The following ANKFN1 variants were observed in gnomAD, a reference collection of about 807,000 sequenced individuals.
ANKFN1 encodes the protein ankyrin repeat and fibronectin type-III domain-containing protein 1.
A neutral mutation model predicts 108.7 loss-of-function variants in ANKFN1; 74 were observed. The observed-to-expected ratio is 0.68, with a 90% CI of 0.56 to 0.83. The LOEUF (loss-of-function observed/expected upper bound fraction) is 0.83. Ranked by LOEUF, ANKFN1 falls within the 40% of genes least tolerant of loss-of-function variation. ANKFN1 has a pLI of 0.00. For synonymous variants in ANKFN1, 547 were observed against 516.2 expected (o/e 1.06, Z -0.81); for missense variants, 1,505 against 1,382.3 (o/e 1.09, Z -1.41).
intron 18 of ANKFN1, among the ~76,000 whole-genome samples, chr17:56,490,340 A>G (rs1598713107): frequency 2.0e-5 from 3 of 152,326 alleles, no homozygotes; most frequent in Admixed American, 2.0e-4. Flanking sequence ...ATCTTCAAGT[A>G]TCACAAGTTG....
chr17:56,440,902 T>C (rs1005863709), intron 9 of ANKFN1, among the ~76,000 whole-genome samples: 2 of 151,636 alleles, frequency 1.3e-5, no homozygotes, highest in South Asian at 2.1e-4. Flanking sequence ...AAACGAAGTC[T>C]GTCTAAATAT....
intron 1 of ANKFN1, among the ~76,000 whole-genome samples, chr17:56,173,949 A>G (rs974658358): frequency 2.0e-5 from 3 of 152,192 alleles, no homozygotes; most frequent in Admixed American, 1.3e-4. Context: ...ATTCTCCACA[A>G]TCTGCCCTGA....
intron 4 of ANKFN1, among the ~76,000 whole-genome samples, chr17:56,147,955 A>G (rs1290044841): frequency 6.6e-6 from 1 of 152,186 alleles, no homozygotes; most frequent in Non-Finnish European, 1.5e-5. Context: ...ATCCTGTTCT[A>G]AGCATTATTT....
intron 1 of ANKFN1, among the ~76,000 whole-genome samples, chr17:56,201,174 A>G (rs943802143): frequency 2.6e-5 from 4 of 152,086 alleles, no homozygotes; most frequent in Admixed American, 6.6e-5. Flanking sequence ...CTTCAGTGAA[A>G]CTCACCCAGT....
chr17:56,413,458 A>G (rs1053575974), intron 8 of ANKFN1, among the ~76,000 whole-genome samples: 6 of 152,138 alleles, frequency 3.9e-5, no homozygotes, highest in South Asian at 2.1e-4. Context: ...TTCCATTACT[A>G]TGTTGAATAG....
At chr17:56,270,109 G>A (rs1351443560) in intron 3 of ANKFN1, among the ~76,000 whole-genome samples, 2 of 152,036 alleles carry the variant, frequency 1.3e-5, no homozygotes, top group East Asian at 3.9e-4. Flanking sequence ...GTTTTTACTG[G>A]CATGTTCGTG....
chr17:56,100,894 G>A (rs185424909), intron 4 of ANKFN1, among the ~76,000 whole-genome samples: 17 of 152,300 alleles, frequency 1.1e-4, no homozygotes, highest in Non-Finnish European at 2.2e-4. Context: ...ACTCTTTAGA[G>A]AGGGTTCTGT....
chr17:56,411,765 A>C (rs1464357135), intron 8 of ANKFN1, among the ~76,000 whole-genome samples: 2 of 152,146 alleles, frequency 1.3e-5, no homozygotes, highest in Non-Finnish European at 2.9e-5. Context: ...TTCATCCTTC[A>C]TTATGTTAAT....
chr17:56,328,402 T>C (rs966228173), intron 4 of ANKFN1, among the ~76,000 whole-genome samples: 3 of 152,196 alleles, frequency 2.0e-5, no homozygotes, highest in African/African-American at 7.2e-5. Flanking sequence ...CTCAATTAAG[T>C]ATTGATGTCT....
At chr17:56,140,365 C>G (rs1426700699) in intron 4 of ANKFN1, among the ~76,000 whole-genome samples, 1 of 152,174 alleles carries the variant, frequency 6.6e-6, no homozygotes, top group Non-Finnish European at 1.5e-5. Flanking sequence ...TGTTTTTCAG[C>G]TCCCCTTTCC....
intron 3 of ANKFN1, among the ~76,000 whole-genome samples, chr17:56,286,111 A>G (rs2044210257): frequency 6.6e-6 from 1 of 152,118 alleles, no homozygotes; most frequent in Admixed American, 6.6e-5. Flanking sequence ...CAGCTGGTCC[A>G]TCCTTCAAGT....
chr17:56,152,451 TAG>T (rs2143446142), upstream of ANKFN1, among the ~76,000 whole-genome samples: 1 of 152,164 alleles, frequency 6.6e-6, no homozygotes, highest in Non-Finnish European at 1.5e-5. Flanking sequence ...AACATTTAGA[TAG>T]AGAGTTCCCT....
intron 2 of ANKFN1, among the ~76,000 whole-genome samples, chr17:56,216,830 G>T (rs1489961289): frequency 2.0e-5 from 3 of 152,140 alleles, no homozygotes; most frequent in African/African-American, 7.2e-5. Flanking sequence ...GGCCTTTCTG[G>T]CCTCCTACAC....
intron 3 of ANKFN1, among the ~76,000 whole-genome samples, chr17:56,307,417 G>A (rs1320638963): frequency 4.6e-5 from 7 of 152,212 alleles, no homozygotes; most frequent in Non-Finnish European, 8.8e-5. Context: ...AGTGGGCGAA[G>A]GATGTGAACA....
At chr17:56,360,509 TCTC>T (rs2046488502) in intron 6 of ANKFN1, among the ~76,000 whole-genome samples, 1 of 152,188 alleles carries the variant, frequency 6.6e-6, no homozygotes, top group South Asian at 2.1e-4. Flanking sequence ...CTTATTTTCA[TCTC>T]CTCTGCAATA....
chr17:56,120,817 T>G (rs771783822), intron 4 of ANKFN1, among the ~76,000 whole-genome samples: 3 of 152,196 alleles, frequency 2.0e-5, no homozygotes, highest in Non-Finnish European at 4.4e-5. Context: ...CCTGGCAGTA[T>G]GCTATTTGTT....
intron 4 of ANKFN1, among the ~76,000 whole-genome samples, chr17:56,053,727 C>T (rs779097243): frequency 3.9e-5 from 6 of 152,040 alleles, no homozygotes; most frequent in Non-Finnish European, 7.4e-5. Context: ...GAGGAAACTC[C>T]GAACTGTTCT....
intron 1 of ANKFN1, among the ~76,000 whole-genome samples, chr17:56,169,280 AT>A (rs561300131): frequency 2.1e-4 from 31 of 150,162 alleles, no homozygotes; most frequent in South Asian, 6.3e-4. Context: ...TATCATTATT[AT>A]TTTTTTTTTC....
chr17:56,457,083 G>A (rs973499770), intron 12 of ANKFN1, 123 bp downstream of exon 12: 2 of 1,190,396 alleles, frequency 1.7e-6, no homozygotes, highest in Middle Eastern at 2.5e-4. Context: ...CTTTTCTCCT[G>A]AGAATTTGTG....
Sources: allele counts gnomAD v4.1 joint callset (sites outside exome capture counted in the v4.1 genomes callset), GRCh38; gene constraint gnomAD v4.1.1; transcripts MANE v1.5; gene names NCBI Gene and HGNC (gene_info 2026-07-23, HGNC 2026-07-21).